MAP3K7: variants seen among roughly 807,000 people sequenced by gnomAD.
MAP3K7 encodes TGF-beta activated kinase 1.
In MAP3K7, 21 loss-of-function variants were observed where a neutral mutation model predicts 84.8. The ratio of observed to expected loss-of-function variants is 0.25; its 90% confidence interval spans 0.18 to 0.36. The LOEUF (loss-of-function observed/expected upper bound fraction) is 0.36, where lower values mean the gene tolerates loss of function less well. Ranked by LOEUF, MAP3K7 falls within the 10% of genes least tolerant of loss-of-function variation. The pLI is 1.00. For missense variants in MAP3K7, 503 were observed against 747.7 expected, an observed-to-expected ratio of 0.67 and a Z score of 3.82; for synonymous variants, 241 against 247.7, an observed-to-expected ratio of 0.97 and a Z score of 0.25.
chr6:90,518,525 G>A lies in MAP3K7; in HGVS notation c.1562C>T (p.Ala521Val). ...APCPNSKESM[A>V]VFEQHCKMAQ... ...CATTTTACAATGCTGTTCAAACACT[G>A]CCATAGATTCTTTGGAGTTTGGGCA... is the stretch of plus-strand genomic sequence containing the variant. The change falls in exon 16 of 17, where the codon GCA (alanine) becomes GTA (valine). Residue 521 changes from alanine (A) to valine (V), a missense_variant. Ala to Val is a moderately conservative substitution (Grantham distance 64). Around this residue, in one of 5 missense-constraint regions of MAP3K7, gnomAD observed 36 missense variants for 74.5 expected, o/e 0.48. Coordinates refer to ENST00000369329, the MANE Select transcript of MAP3K7 (RefSeq NM_145331.3). The A allele has an allele frequency of 1.2e-6, 2 of 1,609,010 alleles. No individual in the cohort carries two copies. The highest frequency in any genetic ancestry group is 8.5e-7 in the Non-Finnish European group (1 of 1,176,824).
chr6:90,554,455 G>A (rs147367727), intron 6 of MAP3K7, among the ~76,000 whole-genome samples: 5 of 152,238 alleles, frequency 3.3e-5, no homozygotes, highest in East Asian at 1.9e-4. Context: ...ATAAGCACCC[G>A]TCATAATCTC....
chr6:90,548,448 T>C (rs1338084604), intron 9 of MAP3K7, among the ~76,000 whole-genome samples: 2 of 152,128 alleles, frequency 1.3e-5, no homozygotes, highest in African/African-American at 2.4e-5. Flanking sequence ...CTGAGGGCTA[T>C]TAATTGAGAT....
At chr6:90,581,806 A>C (rs1777280692) in intron 1 of MAP3K7, among the ~76,000 whole-genome samples, 1 of 152,226 alleles carries the variant, frequency 6.6e-6, no homozygotes, top group South Asian at 2.1e-4. Context: ...CTATGTACTC[A>C]GTTTGTTTAG....
At chr6:90,525,139 A>T (rs1775278239) in intron 13 of MAP3K7, among the ~76,000 whole-genome samples, 2 of 152,118 alleles carry the variant, frequency 1.3e-5, no homozygotes, top group Admixed American at 1.3e-4. Flanking sequence ...AGGATGAATT[A>T]AATGCTATTT....
chr6:90,557,707 ATAATTT>A (rs1181205957), intron 5 of MAP3K7, among the ~76,000 whole-genome samples: 3 of 152,184 alleles, frequency 2.0e-5, no homozygotes, highest in African/African-American at 7.2e-5. Flanking sequence ...ATGATTCAAG[ATAATTT>A]TCCTGAATGA....
intron 5 of MAP3K7, among the ~76,000 whole-genome samples, chr6:90,558,952 T>C (rs1211177193): frequency 6.6e-6 from 1 of 152,216 alleles, no homozygotes; most frequent in Non-Finnish European, 1.5e-5. Context: ...TGTCAATTTG[T>C]TGCTGGTTAA....
Position 90,568,595 on chromosome 6 carries a change from G to A in MAP3K7, c.260C>T (p.Pro87Leu), listed in dbSNP as rs764513500. The change falls in exon 3 of 17, where the codon CCT becomes CTT. Residue 87 changes from proline to leucine, a missense_variant. Transcript: ENST00000369329. The stretch of plus-strand genomic sequence containing the variant: ...GGCTCCATAAAGCTTTACAATATTA[G>A]GATGGTTCACACGGGATAACTGCCG... ...ELRQLSRVNH[P>L]NIVKLYGACL... is the part of the protein sequence containing the mutation. 2 of 1,609,286 alleles carry A rather than the reference G, an allele frequency of 1.2e-6. No homozygotes were observed. Among genetic ancestry groups the A allele is most frequent in the South Asian group, 2.2e-5 (2 of 89,544 alleles).
chr6:90,533,754 C>G (rs1775580770), intron 13 of MAP3K7, among the ~76,000 whole-genome samples: 1 of 152,186 alleles, frequency 6.6e-6, no homozygotes, highest in South Asian at 2.1e-4. Flanking sequence ...AAGACAGTAA[C>G]ATGCTCTAGC....
chr6:90,519,525 T>C (rs1305863170), intron 14 of MAP3K7, among the ~76,000 whole-genome samples: 5 of 152,022 alleles, frequency 3.3e-5, no homozygotes, highest in Admixed American at 6.6e-5. Context: ...AATGCAATTA[T>C]ATTCTCATAC....
At chr6:90,544,893 G>A (rs1775956933) in intron 11 of MAP3K7, among the ~76,000 whole-genome samples, 1 of 151,960 alleles carries the variant, frequency 6.6e-6, no homozygotes, top group African/African-American at 2.4e-5. Flanking sequence ...CAAAGCTGCA[G>A]GGTAATGAGG....
Position 90,587,019 on chromosome 6 carries a change from G to A in MAP3K7, c.-136C>T, listed in dbSNP as rs1335486818. On this transcript the variant is annotated 5_prime_UTR_variant, in exon 1 of 17. Coordinates refer to ENST00000369329, the MANE Select transcript of MAP3K7 (RefSeq NM_145331.3). ...TACTACCCGGCGATCCGTGGCGGGG[G>A]TAGAGGCAGCGGCCACAGCCGTGTC... The A allele has an allele frequency of 4.5e-6, 5 of 1,106,674 alleles. No individual in the cohort carries two copies. The African/African-American group carries it at 6.6e-5, about 15-fold the overall frequency. 68.6% of individuals were successfully genotyped at this position (1,106,674 alleles called of 1,614,324 possible).
rs1774963903 is a variant in MAP3K7 at position 90,516,422 on chromosome 6, A to G, written c.*79T>C. On this transcript the variant is annotated 3_prime_UTR_variant, in exon 17 of 17. Transcript: ENST00000369329. ...ACACGCCAAAAAGCTAACACTCATG[A>G]ATCGTCATTATAAGGTTTTCCTTTC... 3 of 1,445,588 alleles carry G rather than the reference A, an allele frequency of 2.1e-6. No homozygotes were observed. Among genetic ancestry groups the G allele is most frequent in the Admixed American group, 4.1e-5 (2 of 48,270 alleles). The allele number at this position is 1,445,588 out of a possible 1,614,324, so 89.5% of individuals were successfully genotyped here.
At chr6:90,572,578 A>AAC (rs1554186101) in intron 1 of MAP3K7, among the ~76,000 whole-genome samples, 2 of 151,918 alleles carry the variant, frequency 1.3e-5, no homozygotes, top group Admixed American at 6.6e-5. Context: ...TTAAAAAAAA[A>AAC]AAACCAAAAA....
At chr6:90,573,951 T>C (rs1434162960) in intron 1 of MAP3K7, among the ~76,000 whole-genome samples, 12 of 152,232 alleles carry the variant, frequency 7.9e-5, no homozygotes, top group Admixed American at 7.9e-4. Context: ...CATTTGTACT[T>C]GCCATTCAGT....
intron 12 of MAP3K7, among the ~76,000 whole-genome samples, chr6:90,541,894 T>C (rs1419898919): frequency 6.6e-6 from 1 of 152,004 alleles, no homozygotes; most frequent in Non-Finnish European, 1.5e-5. Context: ...ATTGCTCTTA[T>C]TAAGAGAGGT....
intron 13 of MAP3K7, 146 bp from the exon 14 acceptor site, chr6:90,523,929 T>C (rs754078042): frequency 4.3e-5 from 24 of 555,832 alleles, no homozygotes; most frequent in Non-Finnish European, 7.1e-5. Flanking sequence ...CTTATATATA[T>C]GTAAAAATTT....
intron 14 of MAP3K7, among the ~76,000 whole-genome samples, chr6:90,521,723 CT>C (rs1377798248): frequency 3.4e-4 from 52 of 152,128 alleles, no homozygotes; most frequent in Non-Finnish European, 1.5e-5. Context: ...GAGTTTCCCC[CT>C]CTGCGGCTCC....
chr6:90,543,417 T>C (rs1044190086), intron 12 of MAP3K7, among the ~76,000 whole-genome samples: 4 of 152,058 alleles, frequency 2.6e-5, no homozygotes, highest in Non-Finnish European at 5.9e-5. Flanking sequence ...AGATGCTCAA[T>C]AGGTCTGTTC....
At chr6:90,554,729 G>C (rs1441873366) in intron 6 of MAP3K7, among the ~76,000 whole-genome samples, 1 of 152,144 alleles carries the variant, frequency 6.6e-6, no homozygotes. Context: ...TCCACATACA[G>C]TAACATTGGG....
Sources: gnomAD v4.1 joint callset for allele counts (sites outside exome capture counted in the v4.1 genomes callset) on GRCh38, gnomAD v4.1.1 for gene constraint, gnomAD v4.1.1 regional missense constraint, MANE v1.5 for transcripts, NCBI Gene and HGNC (gene_info 2026-07-23, HGNC 2026-07-21) for gene names.